RARB: variants seen among roughly 807,000 people sequenced by gnomAD.
The protein encoded by RARB is HBV-activated protein.
RARB carries 17 observed loss-of-function variants against 51.9 expected under a neutral mutation model. That is an observed-to-expected ratio of 0.33 (90% CI 0.22 to 0.49). The LOEUF is 0.49. Among genes scored for constraint, RARB ranks in the 20% least tolerant of loss-of-function variants. The pLI, the probability that RARB is intolerant of heterozygous loss-of-function variation, is 0.99. For missense variants in RARB, 369 were observed against 550.8 expected (o/e 0.67, Z 3.30); for synonymous variants, 215 against 195.4 (o/e 1.10, Z -0.84).
chr3:24,921,029 G>C (rs1004691735), intron 2 of RARB, among the ~76,000 whole-genome samples: 1 of 152,098 alleles, frequency 6.6e-6, no homozygotes, highest in Non-Finnish European at 1.5e-5. Flanking sequence ...CTGGTGCAGA[G>C]GCCTACAAAA....
intron 2 of RARB, among the ~76,000 whole-genome samples, chr3:24,995,246 T>A (rs62228469): frequency 6.6e-6 from 1 of 151,582 alleles, no homozygotes; most frequent in African/African-American, 2.4e-5. Flanking sequence ...TTTTTATAGC[T>A]TTTGTAAATG....
Position 25,428,498 on chromosome 3 carries a change from C to T in RARB, c.-234C>T. 1 of 1,265,624 alleles carries T rather than the reference C, an allele frequency of 7.9e-7. No homozygotes were observed. Among genetic ancestry groups the T allele is most frequent in the Non-Finnish European group, 9.9e-7 (1 of 1,006,814 alleles). The allele number at this position is 1,265,624 out of a possible 1,614,324, so 78.4% of individuals were successfully genotyped here. The stretch of plus-strand genomic sequence containing the variant: ...TGGGATCTTTCTGGGAACCCCCCGC[C>T]CCGGCTGGATTGGCCGAGCAAGCCT... On this transcript the variant is annotated 5_prime_UTR_variant, in exon 1 of 8. Coordinates refer to ENST00000330688, the MANE Select transcript of RARB (RefSeq NM_000965.5).
upstream of RARB, among the ~76,000 whole-genome samples, chr3:25,427,538 C>T (rs79358455): frequency 0.013 from 1,919 of 152,300 alleles, 38 homozygotes; most frequent in African/African-American, 0.044. Context: ...ATCTCATTTT[C>T]TGTGTGGCTG....
At chr3:25,188,011 T>A (rs961390517) in intron 5 of RARB, among the ~76,000 whole-genome samples, 69 of 152,148 alleles carry the variant, frequency 4.5e-4, no homozygotes, top group African/African-American at 1.6e-3. Flanking sequence ...GATGGAGAAA[T>A]GAATGTATTG....
At chr3:25,537,030 C>T (rs768796671) in intron 3 of RARB, among the ~76,000 whole-genome samples, 17 of 152,188 alleles carry the variant, frequency 1.1e-4, no homozygotes, top group Non-Finnish European at 1.8e-4. Context: ...GGGGAGCACC[C>T]GGATCAAAAA....
intron 5 of RARB, among the ~76,000 whole-genome samples, chr3:25,232,088 G>C (rs572771152): frequency 6.6e-6 from 1 of 151,848 alleles, no homozygotes. Context: ...TTTTCTGAGG[G>C]GTATTTGTTG....
chr3:24,972,366 ACTTT>A (rs1696419024), intron 2 of RARB, among the ~76,000 whole-genome samples: 1 of 151,924 alleles, frequency 6.6e-6, no homozygotes, highest in Non-Finnish European at 1.5e-5. Context: ...TATATACTGT[ACTTT>A]CTTTTTATCC....
chr3:25,210,006 T>G (rs972835060), intron 5 of RARB, among the ~76,000 whole-genome samples: 3 of 152,192 alleles, frequency 2.0e-5, no homozygotes, highest in African/African-American at 7.2e-5. Context: ...AACATCTTAC[T>G]GAAATTACCC....
At chr3:24,942,797 C>CT (rs760714494) in intron 2 of RARB, among the ~76,000 whole-genome samples, 1 of 152,136 alleles carries the variant, frequency 6.6e-6, no homozygotes, top group African/African-American at 2.4e-5. Context: ...ACATACCTCA[C>CT]TTTTTTTCTC....
chr3:24,889,255 G>C (rs1559384194), intron 2 of RARB, among the ~76,000 whole-genome samples: 1 of 152,090 alleles, frequency 6.6e-6, no homozygotes, highest in South Asian at 2.1e-4. Flanking sequence ...CAGTAGTTTT[G>C]CTTTCCTTGA....
At chr3:24,941,725 C>G (rs1037485413) in intron 2 of RARB, among the ~76,000 whole-genome samples, 31 of 152,296 alleles carry the variant, frequency 2.0e-4, no homozygotes, top group African/African-American at 7.5e-4. Context: ...ACTACATTAT[C>G]TTTGCCTCAT....
At chr3:24,883,856 A>G (rs148506537) in intron 2 of RARB, among the ~76,000 whole-genome samples, 107 of 152,286 alleles carry the variant, frequency 7.0e-4, no homozygotes, top group African/African-American at 2.4e-3. Context: ...GTAAGTTGCT[A>G]GTATTTTAAT....
intron 5 of RARB, among the ~76,000 whole-genome samples, chr3:25,373,369 T>C (rs1486491880): frequency 6.6e-6 from 1 of 151,718 alleles, no homozygotes; most frequent in Non-Finnish European, 1.5e-5. Context: ...ACCCAGGAAA[T>C]GAAGAAGGAG....
chr3:25,020,462 G>A (rs1352383985), intron 2 of RARB: 1 of 152,046 alleles, frequency 6.6e-6, no homozygotes. Context: ...CCTCTATAAA[G>A]CATCTTCATA....
At chr3:25,166,441 T>C (rs1367893975) in intron 4 of RARB, among the ~76,000 whole-genome samples, 1 of 147,276 alleles carries the variant, frequency 6.8e-6, no homozygotes. Flanking sequence ...ATCTCTTAAA[T>C]AGGGAGGCTT....
chr3:25,185,558 T>C (rs1007211264), intron 5 of RARB, among the ~76,000 whole-genome samples: 2 of 152,234 alleles, frequency 1.3e-5, no homozygotes, highest in Non-Finnish European at 2.9e-5. Flanking sequence ...TACAAGTGAA[T>C]AGTGCTTTAA....
Position 25,594,618 on chromosome 3 carries a change from C to T in RARB, c.1090C>T (p.Pro364Ser). ...IYIRKRRPSK[P>S]HMFPKILMKI... ...TATCAGAAAAAGACGACCCAGCAAG[C>T]CTCACATGTTTCCAAAGATCTTAAT... Residue 364 changes from proline (P) to serine (S), a missense_variant, in exon 7 of 8, where the codon CCT becomes TCT. By Grantham distance (74) the Pro-to-Ser change is moderately conservative. This residue lies in a region of RARB where 76 missense variants were observed against 153.3 expected (regional missense o/e 0.50). Coordinates refer to ENST00000330688, the MANE Select transcript of RARB (RefSeq NM_000965.5). 1 of 1,613,706 alleles carries T rather than the reference C, an allele frequency of 6.2e-7. No homozygotes were observed. Among genetic ancestry groups the T allele is most frequent in the Non-Finnish European group, 8.5e-7 (1 of 1,179,850 alleles).
chr3:25,332,477 C>A (rs1415525939), intron 5 of RARB, among the ~76,000 whole-genome samples: 2 of 152,146 alleles, frequency 1.3e-5, no homozygotes, highest in Non-Finnish European at 2.9e-5. Flanking sequence ...ATTCAACAGC[C>A]CTTCATGCTA....
chr3:25,163,061 T>C (rs1559488183), intron 4 of RARB, among the ~76,000 whole-genome samples: 2 of 152,248 alleles, frequency 1.3e-5, no homozygotes, highest in Non-Finnish European at 2.9e-5. Flanking sequence ...CATTTCAATG[T>C]CTGCATATCC....
Sources: gnomAD v4.1 joint callset for allele counts (sites outside exome capture counted in the v4.1 genomes callset) on GRCh38, gnomAD v4.1.1 for gene constraint, gnomAD v4.1.1 regional missense constraint, MANE v1.5 for transcripts, NCBI Gene and HGNC (gene_info 2026-07-23, HGNC 2026-07-21) for gene names.